Variants in CNTNAP2 observed in about 807,000 individuals in gnomAD.
CNTNAP2 encodes the protein contactin associated protein 2.
Under a neutral mutation model 155.2 loss-of-function variants are expected in CNTNAP2, and 98 were observed. The observed-to-expected ratio is 0.63, with a 90% CI of 0.54 to 0.75. CNTNAP2 has a LOEUF of 0.75. Ranked by LOEUF, CNTNAP2 falls within the 30% of genes least tolerant of loss-of-function variation. The pLI, the probability that CNTNAP2 is intolerant of heterozygous loss-of-function variation, is 0.00. For missense variants in CNTNAP2, 1,727 were observed against 1,688.1 expected, an observed-to-expected ratio of 1.02 and a Z score of -0.40; for synonymous variants, 651 against 631.2, an observed-to-expected ratio of 1.03 and a Z score of -0.47.
intron 1 of CNTNAP2, among the ~76,000 whole-genome samples, chr7:146,507,862 G>A (rs188598820): frequency 6.8e-4 from 104 of 152,272 alleles, no homozygotes; most frequent in Non-Finnish European, 1.1e-3. Flanking sequence ...CAGCAACACC[G>A]TGAAAGTCTA....
intron 18 of CNTNAP2, among the ~76,000 whole-genome samples, chr7:148,201,127 T>A (rs916067649): frequency 1.7e-4 from 26 of 152,228 alleles, no homozygotes; most frequent in African/African-American, 6.3e-4. Context: ...CATGTCAGAT[T>A]TATATTCAAA....
chr7:146,597,433 C>T (rs1174177813), intron 1 of CNTNAP2, among the ~76,000 whole-genome samples: 2 of 151,890 alleles, frequency 1.3e-5, no homozygotes, highest in African/African-American at 4.8e-5. Flanking sequence ...TGAGCATAAC[C>T]ACAAGCATAA....
chr7:148,192,995 A>C (rs937457824), intron 18 of CNTNAP2, among the ~76,000 whole-genome samples: 1 of 152,212 alleles, frequency 6.6e-6, no homozygotes, highest in Non-Finnish European at 1.5e-5. Flanking sequence ...TTCTCTTTTT[A>C]AAAATTAACT....
At chr7:146,159,917 C>A (rs1798190659) in intron 1 of CNTNAP2, among the ~76,000 whole-genome samples, 1 of 152,114 alleles carries the variant, frequency 6.6e-6, no homozygotes, top group Admixed American at 6.5e-5. Flanking sequence ...AACTCTCCAC[C>A]CCAGATCAAA....
chr7:147,149,785 AAAATGAGATAAG>A (rs1801790047), intron 8 of CNTNAP2, among the ~76,000 whole-genome samples: 1 of 152,186 alleles, frequency 6.6e-6, no homozygotes, highest in Non-Finnish European at 1.5e-5. Flanking sequence ...GAGAACAGGG[AAAATGAGATAAG>A]GTGGAAAGCA....
intron 9 of CNTNAP2, among the ~76,000 whole-genome samples, chr7:147,362,332 A>G (rs772422911): frequency 1.3e-5 from 2 of 151,700 alleles, no homozygotes; most frequent in Non-Finnish European, 2.9e-5. Flanking sequence ...ACAAGATCTC[A>G]CTCTGTTGCC....
intron 22 of CNTNAP2, among the ~76,000 whole-genome samples, chr7:148,389,100 G>A (rs966907091): frequency 1.8e-4 from 28 of 152,264 alleles, no homozygotes; most frequent in Admixed American, 4.6e-4. Context: ...CATCTTCTGC[G>A]TCGCTCATGC....
At chr7:147,240,468 T>G (rs2116636263) in intron 8 of CNTNAP2, among the ~76,000 whole-genome samples, 1 of 152,290 alleles carries the variant, frequency 6.6e-6, no homozygotes, top group Admixed American at 6.5e-5. Context: ...CAAAACAACT[T>G]TATTTCCTAT....
At chr7:148,217,072 G>A (rs1011965638) in intron 18 of CNTNAP2, among the ~76,000 whole-genome samples, 20 of 150,948 alleles carry the variant, frequency 1.3e-4, no homozygotes, top group African/African-American at 3.9e-4. Context: ...TATTAGCAGC[G>A]TGGGAACAGA....
At chr7:147,600,325 G>T (rs1403894269) in intron 12 of CNTNAP2, among the ~76,000 whole-genome samples, 7 of 152,118 alleles carry the variant, frequency 4.6e-5, no homozygotes, top group Non-Finnish European at 1.0e-4. Context: ...GTCCTCTGAA[G>T]AGCCAGATGG....
At chr7:147,765,827 C>G (rs1164792312) in intron 13 of CNTNAP2, among the ~76,000 whole-genome samples, 1 of 152,024 alleles carries the variant, frequency 6.6e-6, no homozygotes, top group African/African-American at 2.4e-5. Context: ...TATTCTAAAT[C>G]AACATGGAAA....
intron 14 of CNTNAP2, among the ~76,000 whole-genome samples, chr7:147,919,459 C>CTTTCTTTCTTTTTTT (rs58537091): frequency 2.0e-5 from 1 of 51,240 alleles, no homozygotes; most frequent in African/African-American, 1.1e-4. Flanking sequence ...CTTTTTCTTT[C>CTTTCTTTCTTTTTTT]TTTTTTTTTT....
At chr7:146,905,902 A>G (rs548754901) in intron 3 of CNTNAP2, among the ~76,000 whole-genome samples, 16 of 152,284 alleles carry the variant, frequency 1.1e-4, no homozygotes, top group African/African-American at 3.8e-4. Context: ...TCATCTCACT[A>G]GGGAGTGCCA....
At chr7:146,298,865 A>C (rs1584855353) in intron 1 of CNTNAP2, among the ~76,000 whole-genome samples, 1 of 152,220 alleles carries the variant, frequency 6.6e-6, no homozygotes, top group East Asian at 1.9e-4. Flanking sequence ...CTTGACAGTC[A>C]CTGTGACTTG....
chr7:146,411,383 C>A (rs1795862785), intron 1 of CNTNAP2, among the ~76,000 whole-genome samples: 2 of 152,038 alleles, frequency 1.3e-5, no homozygotes, highest in Admixed American at 1.3e-4. Flanking sequence ...GTCTCGAACT[C>A]CTGACCTTGT....
chr7:147,240,709 T>G (rs1477105255), intron 8 of CNTNAP2, among the ~76,000 whole-genome samples: 1 of 152,182 alleles, frequency 6.6e-6, no homozygotes, highest in Non-Finnish European at 1.5e-5. Flanking sequence ...CAGCCAATGT[T>G]TGGTTTGGCC....
At chr7:146,533,404 GA>G (rs1177053899) in intron 1 of CNTNAP2, among the ~76,000 whole-genome samples, 1 of 151,994 alleles carries the variant, frequency 6.6e-6, no homozygotes, top group Admixed American at 6.6e-5. Context: ...GCAACCAAGG[GA>G]AAAACACTGG....
intron 1 of CNTNAP2, among the ~76,000 whole-genome samples, chr7:146,284,440 A>G (rs532806103): frequency 3.9e-5 from 6 of 152,236 alleles, no homozygotes; most frequent in African/African-American, 4.8e-5. Context: ...TAAATGCAAT[A>G]ATCAAGATTT....
At chr7:148,077,078 C>T (rs887338250) in intron 15 of CNTNAP2, among the ~76,000 whole-genome samples, 13 of 152,130 alleles carry the variant, frequency 8.5e-5, no homozygotes, top group Admixed American at 1.3e-4. Flanking sequence ...GAGGCCAAGG[C>T]GGGTGGCTCA....
Sources: allele counts gnomAD v4.1 joint callset (sites outside exome capture counted in the v4.1 genomes callset), GRCh38; gene constraint gnomAD v4.1.1; transcripts MANE v1.5; gene names NCBI Gene and HGNC (gene_info 2026-07-23, HGNC 2026-07-21).